ERMARD: variants seen among roughly 807,000 people sequenced by gnomAD.
ERMARD encodes the protein endoplasmic reticulum membrane-associated RNA degradation protein.
ERMARD carries 71 observed loss-of-function variants against 83.9 expected under a neutral mutation model. That is an observed-to-expected ratio of 0.85 (90% confidence interval 0.70 to 1.03). The LOEUF is 1.03. Ranked by LOEUF, ERMARD falls within the 50% of genes least tolerant of loss-of-function variation. The pLI, the probability that ERMARD is intolerant of heterozygous loss-of-function variation, is 0.00. For missense variants in ERMARD, 838 were observed against 810.9 expected (o/e 1.03, Z -0.41); for synonymous variants, 284 against 298.6 (o/e 0.95, Z 0.50).
In ERMARD at chr6:169,770,663, A is replaced by C. The variant is rs939499484; in HGVS notation, c.1233+950A>C. The C allele has an allele frequency of 6.6e-5, 10 of 152,132 alleles. 1 individual carries two copies. The highest frequency in any genetic ancestry group is 6.5e-4 in the Admixed American group (10 of 15,272). The allele number at this position is 152,132 out of a possible 1,614,324, so 9.4% of individuals were successfully genotyped here. On this transcript the variant is annotated intron_variant, in intron 12 of 17. Transcript: ENST00000366773. Reference sequence around the variant, plus strand: ...GAGACAGGGTCTTGCTCTGTCACCCAGGCTGGAGTGCAGTGGTGCAGTCAT... The same window carrying C: ...GAGACAGGGTCTTGCTCTGTCACCCCGGCTGGAGTGCAGTGGTGCAGTCAT...
intron 16 of ERMARD, 59 bp downstream of exon 16, chr6:169,776,732 G>T: frequency 6.3e-7 from 1 of 1,581,768 alleles, no homozygotes; most frequent in Non-Finnish European, 8.6e-7. Flanking sequence ...TGTCACAGAT[G>T]CAGTTCTAGT....
intron 7 of ERMARD, among the ~76,000 whole-genome samples, 158 bp downstream of exon 7, chr6:169,760,132 A>G (rs888627959): frequency 4.7e-5 from 7 of 147,798 alleles, no homozygotes; most frequent in African/African-American, 1.8e-4. Flanking sequence ...CCTACATTTT[A>G]CCACCCAAAG....
intron 6 of ERMARD, 68 bp downstream of exon 6, chr6:169,759,133 T>A: frequency 7.6e-7 from 1 of 1,322,124 alleles, no homozygotes. Context: ...AATTTTGAAT[T>A]TCATGAGAAG....
rs1321848534 is a variant in ERMARD, at chr6:169,781,389, A to G, written c.1913A>G (p.Lys638Arg). 3 of 1,613,130 alleles carry G rather than the reference A, an allele frequency of 1.9e-6. No homozygotes were observed. Among genetic ancestry groups the G allele is most frequent in the South Asian group, 2.2e-5 (2 of 90,450 alleles). ...CTGGTGGCTTACACCAGTTACGAAA[A>G]GAACAAGTGGAATGAAACTATCAAT... is the stretch of plus-strand genomic sequence containing the variant. ...ENLVAYTSYE[K>R]NKWNETINLT... The change falls in exon 18 of 18, where the codon AAG (lysine) becomes AGG (arginine). Residue 638 changes from lysine to arginine, a missense_variant. By Grantham distance (26) the Lys-to-Arg change is conservative (BLOSUM62 2). Coordinates refer to ENST00000366773, the MANE Select transcript of ERMARD (RefSeq NM_018341.3).
chr6:169,770,194 A>T (rs1792732966), intron 12 of ERMARD, among the ~76,000 whole-genome samples: 1 of 152,226 alleles, frequency 6.6e-6, no homozygotes, highest in East Asian at 1.9e-4. Flanking sequence ...GTTCAAACAA[A>T]AATTACTAGA....
chr6:169,773,488 G>A (rs935993944), intron 13 of ERMARD, 86 bp downstream of exon 13: 1 of 1,361,882 alleles, frequency 7.3e-7, no homozygotes, highest in Non-Finnish European at 1.0e-6. Context: ...GGTGCAGTTT[G>A]CTTGCTGAGT....
chr6:169,769,414 A>G (rs979446695), intron 11 of ERMARD, 126 bp from the exon 12 acceptor site: 2 of 836,140 alleles, frequency 2.4e-6, no homozygotes, highest in Non-Finnish European at 3.5e-6. Flanking sequence ...AGCTCTCCCC[A>G]GCAGAGTCCC....
chr6:169,751,582 G>C, upstream of ERMARD: 1 of 1,603,992 alleles, frequency 6.2e-7, no homozygotes, highest in Non-Finnish European at 8.5e-7. Context: ...TGCCCGCCAG[G>C]GCTCCAAAGC....
At chr6:169,777,959 T>C (rs1181318501) in intron 16 of ERMARD, among the ~76,000 whole-genome samples, 4 of 152,242 alleles carry the variant, frequency 2.6e-5, no homozygotes, top group Non-Finnish European at 4.4e-5. Flanking sequence ...GTCAGGGTTG[T>C]GGGTGGCTGG....
At chr6:169,767,719 TACAC>T (rs1205644887) in intron 10 of ERMARD, 3 of 231,434 alleles carry the variant, frequency 1.3e-5, no homozygotes, top group East Asian at 9.8e-5. Context: ...ATGCCACATA[TACAC>T]ACACAGGCAT....
At chr6:169,766,711 C>T (rs1418059193) in intron 10 of ERMARD, 44 bp downstream of exon 10, 2 of 1,532,656 alleles carry the variant, frequency 1.3e-6, no homozygotes, top group Non-Finnish European at 1.7e-6. Context: ...AAACAGAACG[C>T]TGTCTTCTTT....
chr6:169,769,273 AGTT>A (rs1160203707), intron 11 of ERMARD, among the ~76,000 whole-genome samples: 4 of 152,212 alleles, frequency 2.6e-5, no homozygotes, highest in African/African-American at 9.7e-5. Context: ...GTTCACACTC[AGTT>A]CCCTTCCTTG....
At chr6:169,776,372 AGCCGCAGCCTT>A in intron 15 of ERMARD, 72 bp from the exon 16 acceptor site, 1 of 1,560,844 alleles carries the variant, frequency 6.4e-7, no homozygotes, top group Non-Finnish European at 8.7e-7. Context: ...GCTCCCAGAA[AGCCGCAGCCTT>A]GCAGGTGCAG....
chr6:169,756,972 A>C (rs1790894152), intron 5 of ERMARD, among the ~76,000 whole-genome samples, 164 bp downstream of exon 5: 1 of 152,224 alleles, frequency 6.6e-6, no homozygotes, highest in Non-Finnish European at 1.5e-5. Flanking sequence ...CATTTCTAAC[A>C]GGGCGGCAGC....
At chr6:169,778,474 G>A (rs1363557597) in intron 16 of ERMARD, among the ~76,000 whole-genome samples, 5 of 152,256 alleles carry the variant, frequency 3.3e-5, no homozygotes, top group African/African-American at 4.8e-5. Context: ...CAGCATTATG[G>A]TTTCTTCACT....
Position 169,753,966 on chromosome 6 carries a change from A to G in ERMARD, c.109A>G (p.Ile37Val), listed in dbSNP as rs150302870. 4 of 1,613,648 alleles carry G rather than the reference A, an allele frequency of 2.5e-6. No homozygotes were observed. Among genetic ancestry groups the G allele is most frequent in the Admixed American group, 1.7e-5 (1 of 59,984 alleles). The change falls in exon 2 of 18, where the codon ATT becomes GTT. Residue 37 changes from isoleucine (I) to valine (V), a missense_variant. Coordinates refer to ENST00000366773, the MANE Select transcript of ERMARD (RefSeq NM_018341.3). Reference sequence around the variant, plus strand: ...CAGAGAAAATTGTGATATCAATAGCATTGTAACTCAGAATGGTGAAGTATG... The same window carrying G: ...CAGAGAAAATTGTGATATCAATAGCGTTGTAACTCAGAATGGTGAAGTATG... The part of the protein sequence containing the change: ...QLRENCDINS[I>V]VTQNGEVCWK...
intron 3 of ERMARD, chr6:169,755,653 G>A: frequency 2.0e-6 from 1 of 494,802 alleles, no homozygotes; most frequent in African/African-American, 1.9e-5. Context: ...CAGGATTAGG[G>A]GTTGGAGAGC....
intron 9 of ERMARD, among the ~76,000 whole-genome samples, chr6:169,765,427 T>C (rs1792078994): frequency 6.6e-6 from 1 of 152,244 alleles, no homozygotes; most frequent in African/African-American, 2.4e-5. Flanking sequence ...GTGGAAGATA[T>C]GAATATGAGT....
Position 169,769,572 on chromosome 6 carries a change from G to T in ERMARD, c.1092G>T (p.Glu364Asp). 6.2e-7 allele frequency: 1 copy of T among 1,603,808 alleles called. No homozygotes were observed. The highest frequency in any genetic ancestry group is 8.5e-7 in the Non-Finnish European group (1 of 1,176,564). ...EFLWDFLNHQ[E>D]GPRIRDHLSH... ...TCTGGGATTTCCTGAACCATCAGGA[G>T]GGTCCCCGCATAAGAGATCATTTAA... The change falls in exon 12 of 18, where the codon GAG (glutamate) becomes GAT (aspartate). Residue 364 changes from glutamate (E) to aspartate (D), a missense_variant. Coordinates refer to ENST00000366773, the MANE Select transcript of ERMARD (RefSeq NM_018341.3).
Sources: gnomAD v4.1 joint callset for allele counts (sites outside exome capture counted in the v4.1 genomes callset) on GRCh38, gnomAD v4.1.1 for gene constraint, MANE v1.5 for transcripts, NCBI Gene and HGNC (gene_info 2026-07-23, HGNC 2026-07-21) for gene names.